The following CLCN7 variants were observed in gnomAD, a reference collection of about 807,000 sequenced individuals.
CLCN7 encodes H(+)/Cl(-) exchange transporter 7.
A neutral mutation model predicts 102.1 loss-of-function variants in CLCN7; 60 were observed. That is an observed-to-expected ratio of 0.59 (90% confidence interval 0.48 to 0.73). The LOEUF (loss-of-function observed/expected upper bound fraction) is 0.73. Among genes scored for constraint, CLCN7 ranks in the 30% least tolerant of loss-of-function variants. CLCN7 has a pLI of 0.00. For missense variants in CLCN7, 962 were observed against 1,125.7 expected, an observed-to-expected ratio of 0.85 and a Z score of 2.08; for synonymous variants, 560 against 490.5, an observed-to-expected ratio of 1.14 and a Z score of -1.87.
In CLCN7 at chr16:1,450,271, G is replaced by A. The variant is rs149637988; in HGVS notation, c.1617+226C>T. 6.3e-5 allele frequency: 36 copies of A among 567,728 alleles called. No individual in the cohort carries two copies. The Middle Eastern group carries it at 2.3e-3, about 37-fold the overall frequency. The allele number at this position is 567,728 out of a possible 1,614,324, so 35.2% of individuals were successfully genotyped here. On this transcript the variant is annotated intron_variant, in intron 17 of 24. Transcript: ENST00000382745. ...ACACGAGCCTCCGCCCCCTACCTTC[G>A]CCTGGTCCAGACTCCACACATGGGC...
chr16:1,456,459 T>A (rs2038836900), intron 9 of CLCN7, among the ~76,000 whole-genome samples: 1 of 152,122 alleles, frequency 6.6e-6, no homozygotes, highest in African/African-American at 2.4e-5. Context: ...CACGCAAGAT[T>A]CCAAAAACCT....
At position 1,446,514 on chromosome 16, in the gene CLCN7, G is replaced by A; in HGVS notation, c.*117C>T. 4.3e-6 allele frequency: 4 copies of A among 931,892 alleles called. No homozygotes were observed. The highest frequency in any genetic ancestry group is 6.8e-6 in the Non-Finnish European group (4 of 589,380). The allele number at this position is 931,892 out of a possible 1,614,324, so 57.7% of individuals were successfully genotyped here. A position where few individuals can be genotyped will look rare whatever the true frequency, so the allele number is the denominator to read the frequency against. On this transcript the variant is annotated 3_prime_UTR_variant, in exon 25 of 25. Coordinates refer to ENST00000382745, the MANE Select transcript of CLCN7 (RefSeq NM_001287.6). ...CCGCCTGCCCGCCCAGCTGCAGGGT[G>A]CTCGCCATTGCCACTGCTGGGGAGC... is the stretch of plus-strand genomic sequence containing the variant.
intron 17 of CLCN7, 111 bp from the exon 18 acceptor site, chr16:1,449,438 A>C: frequency 1.0e-6 from 1 of 994,326 alleles, no homozygotes; most frequent in Non-Finnish European, 1.6e-6. Context: ...AGCCAGGAAC[A>C]AACCTCGTGG....
At chr16:1,449,748 C>A (rs1023524898) in intron 17 of CLCN7, 56 of 247,238 alleles carry the variant, frequency 2.3e-4, no homozygotes, top group African/African-American at 1.6e-3. Flanking sequence ...GGTTTCCATT[C>A]TGGGATGACG....
chr16:1,457,430 G>A lies in CLCN7; in HGVS notation c.739-93C>T. The A allele has an allele frequency of 3.2e-6, 3 of 936,828 alleles. No homozygotes were observed. Among genetic ancestry groups the A allele is most frequent in the Middle Eastern group, 2.5e-4 (1 of 3,924 alleles). The allele number at this position is 936,828 out of a possible 1,614,324, so 58.0% of individuals were successfully genotyped here. On this transcript the variant is annotated intron_variant, in intron 8 of 24. Transcript: ENST00000382745. This position sits in a 1 kb window ranked among gnomAD's most constrained non-coding sequence, Gnocchi z 5.4. Reference sequence around the variant, plus strand: ...CGATGCTCAGAGACACGCGTGACGCGGCCCTTCCTGGAGACCAGAAGGACC... The same window carrying A: ...CGATGCTCAGAGACACGCGTGACGCAGCCCTTCCTGGAGACCAGAAGGACC...
In CLCN7 at chr16:1,445,014, C is replaced by G. The variant is rs1055335679; in HGVS notation, c.*1617G>C. The G allele has an allele frequency of 6.6e-6, 1 of 152,230 alleles. No individual in the cohort carries two copies. The highest frequency in any genetic ancestry group is 2.4e-5 in the African/African-American group (1 of 41,434). 9.4% of individuals were successfully genotyped at this position (152,230 alleles called of 1,614,324 possible). ...CCAGGTCCTCAGTACACAACCACCA[C>G]GAGGGAAACCCAGACCTAGGTTTCC... On this transcript the variant is annotated 3_prime_UTR_variant, in exon 25 of 25. Transcript: ENST00000382745.
At position 1,448,359 on chromosome 16, in the gene CLCN7, G is replaced by C. The variant is rs1382653825; in HGVS notation, c.2009C>G (p.Thr670Ser). Reference protein sequence around the residue: ...GFPVVEHADDTQPARLQGLIL... With the variant: ...GFPVVEHADDSQPARLQGLIL... ...TGTCTATGGGGTGCCCGGTACCTGG[G>C]TGTCATCGGCATGCTCCACCACGGG... is the stretch of plus-strand genomic sequence containing the variant. The change falls in exon 21 of 25, where the codon ACC becomes AGC. Residue 670 changes from threonine to serine, a missense_variant. Around this residue, in one of 2 missense-constraint regions of CLCN7, gnomAD observed 799 missense variants for 988.0 expected, o/e 0.81. Coordinates refer to ENST00000382745, the MANE Select transcript of CLCN7 (RefSeq NM_001287.6). The C allele has an allele frequency of 6.2e-7, 1 of 1,612,738 alleles. No individual in the cohort carries two copies.
intron 6 of CLCN7, 62 bp downstream of exon 6, chr16:1,460,356 C>T: frequency 1.6e-6 from 2 of 1,231,456 alleles, no homozygotes; most frequent in East Asian, 2.3e-5. Context: ...GGTTCCCGCC[C>T]ATTCACCAAG....
At position 1,460,490 on chromosome 16, in the gene CLCN7, G is replaced by A. The variant is rs1210305184; in HGVS notation, c.522C>T (p.Phe174=). The A allele has an allele frequency of 4.3e-6, 7 of 1,613,780 alleles. No individual in the cohort carries two copies. Among genetic ancestry groups the A allele is most frequent in the Non-Finnish European group, 1.7e-6 (2 of 1,179,952 alleles). Residue 174 remains phenylalanine, a synonymous_variant, in exon 6 of 25, where the codon TTC becomes TTT. Transcript: ENST00000382745. The part of the protein sequence containing the change: ...DKFTEKGGLS[F]SLLLWATLNA... The stretch of plus-strand genomic sequence containing the variant: ...TCAGCGTGGCCCACAGCAACAGGGA[G>A]AAGGACAGTCCGCCCTTCTCTGTGA...
intron 16 of CLCN7, 133 bp from the exon 17 acceptor site, chr16:1,450,799 TC>T: frequency 2.5e-6 from 2 of 803,812 alleles, no homozygotes; most frequent in Non-Finnish European, 3.9e-6. Context: ...AGCCCAGCGG[TC>T]CCCAGAAGGC....
chr16:1,454,854 G>A (rs1319371214), intron 12 of CLCN7, among the ~76,000 whole-genome samples: 3 of 152,182 alleles, frequency 2.0e-5, no homozygotes, highest in Admixed American at 1.3e-4. Context: ...TGCCCCGAGA[G>A]CGGCTGCTGC....
chr16:1,447,212 T>G (rs2038662711), intron 23 of CLCN7, 126 bp from the exon 24 acceptor site: 2 of 1,168,062 alleles, frequency 1.7e-6, no homozygotes, highest in Non-Finnish European at 1.2e-6. Context: ...CACGCCCGTC[T>G]GGCCAGCCCC....
intron 12 of CLCN7, 135 bp from the exon 13 acceptor site, chr16:1,454,600 G>T (rs1298203091): frequency 2.3e-6 from 2 of 857,858 alleles, no homozygotes; most frequent in Non-Finnish European, 3.9e-6. Context: ...GCAGGCTGCG[G>T]AAGTCCACAG....
At chr16:1,474,444 G>C (rs2039123124) in intron 1 of CLCN7, 1 of 340,116 alleles carries the variant, frequency 2.9e-6, no homozygotes, top group Admixed American at 4.3e-5. Context: ...TTAGTTGCTC[G>C]TGTAGGATGA....
rs749503748 is a variant in CLCN7 at position 1,448,777 on chromosome 16, G to A, written c.1798-11C>T. Reference sequence around the variant, plus strand: ...CATGTCGTACAGGCCCTGCGGGCGGGGCGGGAACACAGGGCTTGAGGAGTC... The same window carrying A: ...CATGTCGTACAGGCCCTGCGGGCGGAGCGGGAACACAGGGCTTGAGGAGTC... On this transcript the variant is annotated splice_polypyrimidine_tract_variant and intron_variant, in intron 19 of 24. Coordinates refer to ENST00000382745, the MANE Select transcript of CLCN7 (RefSeq NM_001287.6). 25 of 1,610,084 alleles carry A rather than the reference G, an allele frequency of 1.6e-5. No homozygotes were observed. In the East Asian group the frequency reaches 2.7e-4, roughly 17 times the overall value.
Position 1,450,214 on chromosome 16 carries a change from C to A in CLCN7, c.1617+283G>T, listed in dbSNP as rs532454873. The A allele has an allele frequency of 1.2e-5, 6 of 497,018 alleles. No homozygotes were observed. The East Asian group carries it at 2.2e-4, about 18-fold the overall frequency. The allele number at this position is 497,018 out of a possible 1,614,324, so 30.8% of individuals were successfully genotyped here. On this transcript the variant is annotated intron_variant, in intron 17 of 24. Transcript: ENST00000382745. Reference sequence around the variant, plus strand: ...CAGCTCTGCAGCAGCCCACAATCACCTCTGCTTTTCATCACATTCTCAAGA... The same window carrying A: ...CAGCTCTGCAGCAGCCCACAATCACATCTGCTTTTCATCACATTCTCAAGA...
chr16:1,454,657 CG>C (rs2038805805), intron 12 of CLCN7, among the ~76,000 whole-genome samples, 192 bp from the exon 13 acceptor site: 2 of 152,208 alleles, frequency 1.3e-5, no homozygotes, highest in Non-Finnish European at 2.9e-5. Context: ...CCCTGCCTGG[CG>C]GGGTGGCCAG....
At chr16:1,466,235 A>T (rs2142397784) in intron 1 of CLCN7, among the ~76,000 whole-genome samples, 1 of 152,350 alleles carries the variant, frequency 6.6e-6, no homozygotes, top group South Asian at 2.1e-4. Flanking sequence ...TGGGAAGACC[A>T]ACGAGGCTGC....
intron 14 of CLCN7, among the ~76,000 whole-genome samples, chr16:1,453,126 G>T (rs2038780131): frequency 6.6e-6 from 1 of 152,166 alleles, no homozygotes; most frequent in Non-Finnish European, 1.5e-5. Flanking sequence ...TCTTGCCTCA[G>T]CCTCCCGAGT....
Sources: allele counts gnomAD v4.1 joint callset (sites outside exome capture counted in the v4.1 genomes callset), GRCh38; gene constraint gnomAD v4.1.1; regional missense constraint gnomAD v4.1.1; non-coding constraint Gnocchi (gnomAD v3.1); transcripts MANE v1.5; gene names NCBI Gene and HGNC (gene_info 2026-07-23, HGNC 2026-07-21).